CTIF: variants seen among roughly 807,000 people sequenced by gnomAD.
CTIF encodes CBP80/20-dependent translation initiation factor.
In CTIF, 21 loss-of-function variants were observed where a neutral mutation model predicts 66.0. That is an observed-to-expected ratio of 0.32 (90% CI 0.23 to 0.46). CTIF has a LOEUF of 0.46. CTIF is among the 20% of genes least tolerant of loss of function. The pLI is 1.00. For missense variants in CTIF, 739 were observed against 812.7 expected (o/e 0.91, Z 1.10); for synonymous variants, 345 against 326.4 (o/e 1.06, Z -0.62).
intron 7 of CTIF, among the ~76,000 whole-genome samples, chr18:48,739,509 C>G (rs1179175959): frequency 1.3e-5 from 2 of 152,232 alleles, no homozygotes; most frequent in African/African-American, 4.8e-5. Flanking sequence ...TGCCCTTGCT[C>G]ACTCTCTGGC....
At chr18:48,746,175 A>C (rs1405266213) in intron 7 of CTIF, among the ~76,000 whole-genome samples, 4 of 152,152 alleles carry the variant, frequency 2.6e-5, no homozygotes, top group Non-Finnish European at 5.9e-5. Flanking sequence ...TGCTTCACGT[A>C]GGGGCCTTTC....
intron 1 of CTIF, among the ~76,000 whole-genome samples, chr18:48,613,821 G>A (rs577046823): frequency 5.9e-5 from 9 of 152,282 alleles, no homozygotes; most frequent in East Asian, 3.9e-4. Context: ...GCTGCAGCCC[G>A]GGCCCTCTGT....
At chr18:48,666,477 C>A (rs1367636618) in intron 5 of CTIF, among the ~76,000 whole-genome samples, 1 of 152,230 alleles carries the variant, frequency 6.6e-6, no homozygotes, top group Non-Finnish European at 1.5e-5. Flanking sequence ...CATCCAACCC[C>A]TAGTTCACCA....
intron 1 of CTIF, among the ~76,000 whole-genome samples, chr18:48,558,626 G>T (rs2089077353): frequency 1.3e-5 from 2 of 152,144 alleles, no homozygotes; most frequent in Admixed American, 1.3e-4. Context: ...AAATATTTTT[G>T]TAAAGAATCC....
chr18:48,761,540 G>A lies in CTIF; in HGVS notation c.1222G>A (p.Glu408Lys). Reference protein sequence around the residue: ...EEAQNSTNSEEMLGEIVRTIY... With the variant: ...EEAQNSTNSEKMLGEIVRTIY... Reference sequence around the variant, plus strand: ...GGCCCAGAACTCCACCAACTCCGAGGAGATGCTGGGCGAGATCGTGCGCAC... The same window carrying A: ...GGCCCAGAACTCCACCAACTCCGAGAAGATGCTGGGCGAGATCGTGCGCAC... The change falls in exon 9 of 12, where the codon GAG (glutamate) becomes AAG (lysine). Residue 408 changes from glutamate (E) to lysine (K), a missense_variant. Around this residue, in one of 2 missense-constraint regions of CTIF, gnomAD observed 210 missense variants for 292.3 expected, o/e 0.72. Coordinates refer to ENST00000256413, the MANE Select transcript of CTIF (RefSeq NM_014772.3). This position sits in a 1 kb window ranked among gnomAD's most constrained non-coding sequence, Gnocchi z 4.2. 6.2e-7 allele frequency: 1 copy of A among 1,614,202 alleles called. No homozygotes were observed. Among genetic ancestry groups the A allele is most frequent in the Non-Finnish European group, 8.5e-7 (1 of 1,180,052 alleles).
At chr18:48,602,854 GA>G (rs1568064656) in intron 1 of CTIF, among the ~76,000 whole-genome samples, 3 of 115,638 alleles carry the variant, frequency 2.6e-5, no homozygotes, top group Non-Finnish European at 5.3e-5. Context: ...TGGATGAATG[GA>G]TGGATGGATG....
chr18:48,603,394 GATAT>G (rs2090137399), intron 1 of CTIF, among the ~76,000 whole-genome samples: 1 of 147,130 alleles, frequency 6.8e-6, no homozygotes, highest in African/African-American at 2.5e-5. Context: ...TGGATGGATG[GATAT>G]GTGAATGAGT....
intron 1 of CTIF, among the ~76,000 whole-genome samples, chr18:48,542,301 T>A (rs1434625231): frequency 1.3e-5 from 2 of 152,056 alleles, no homozygotes; most frequent in East Asian, 1.9e-4. Flanking sequence ...ATGTAACACT[T>A]ACCTGTGTTT....
At position 48,711,602 on chromosome 18, in the gene CTIF, C is replaced by T. The variant is rs1235247766; in HGVS notation, c.508-17C>T. 1.9e-6 allele frequency: 3 copies of T among 1,610,016 alleles called. No individual in the cohort carries two copies. The highest frequency in any genetic ancestry group is 2.7e-5 in the African/African-American group (2 of 74,780). ...CAGGAGTTACTAATGATCCCCCTTC[C>T]TCCCCCCATGACACAGGGCTACCAC... On this transcript the variant is annotated splice_polypyrimidine_tract_variant and intron_variant, in intron 6 of 11. Transcript: ENST00000256413.
chr18:48,654,119 G>C (rs1051612764), intron 3 of CTIF, among the ~76,000 whole-genome samples: 5 of 152,164 alleles, frequency 3.3e-5, no homozygotes, highest in Non-Finnish European at 7.3e-5. Flanking sequence ...AGCTAAAATA[G>C]ACAAATGGGA....
chr18:48,685,818 A>C (rs911062036), intron 6 of CTIF, among the ~76,000 whole-genome samples: 5 of 152,026 alleles, frequency 3.3e-5, no homozygotes, highest in African/African-American at 4.8e-5. Context: ...CTGGGATTAC[A>C]GGTGCCTGCC....
chr18:48,765,005 G>T (rs1190223621), intron 9 of CTIF, among the ~76,000 whole-genome samples: 1 of 152,232 alleles, frequency 6.6e-6, no homozygotes, highest in African/African-American at 2.4e-5. Context: ...CAGGCCCTGT[G>T]CCTTCTCTCT....
intron 7 of CTIF, among the ~76,000 whole-genome samples, chr18:48,712,565 TGCCTCAGGAATTAAAATGA>T (rs1172651211): frequency 6.6e-6 from 1 of 152,254 alleles, no homozygotes; most frequent in Non-Finnish European, 1.5e-5. Context: ...AAAAGGCTTA[TGCCTCAGGAATTAAAATGA>T]GGTGTTCCTC....
rs759965898 is a variant in CTIF at position 48,761,474 on chromosome 18, A to G, written c.1156A>G (p.Ser386Gly). The G allele has an allele frequency of 3.7e-6, 6 of 1,614,220 alleles. No homozygotes were observed. In the South Asian group the frequency reaches 4.4e-5, roughly 12 times the overall value. The change falls in exon 9 of 12, where the codon AGC becomes GGC. Residue 386 changes from serine (S) to glycine (G), a missense_variant. This residue lies in a region of CTIF where 529 missense variants were observed against 520.3 expected (regional missense o/e 1.02). Transcript: ENST00000256413. The surrounding 1 kb of genome is among the most constrained non-coding windows in gnomAD (Gnocchi z 4.2). ...IEILNSMRNN[S>G]SDVDTKLTTF... Reference sequence around the variant, plus strand: ...GATCCTGAACAGCATGCGGAACAACAGCAGCGACGTGGACACCAAGCTCAC... The same window carrying G: ...GATCCTGAACAGCATGCGGAACAACGGCAGCGACGTGGACACCAAGCTCAC...
intron 7 of CTIF, among the ~76,000 whole-genome samples, chr18:48,744,949 A>G (rs1005329378): frequency 1.3e-5 from 2 of 151,472 alleles, no homozygotes; most frequent in African/African-American, 4.9e-5. Context: ...CAGCCTTCCC[A>G]GCAGCTGGGA....
intron 1 of CTIF, among the ~76,000 whole-genome samples, chr18:48,614,738 A>G (rs1254958756): frequency 6.6e-6 from 1 of 152,212 alleles, no homozygotes; most frequent in Non-Finnish European, 1.5e-5. Context: ...TGGGTTGATA[A>G]AAAAGTTCTG....
At chr18:48,601,565 C>A (rs945312897) in intron 1 of CTIF, among the ~76,000 whole-genome samples, 2 of 152,138 alleles carry the variant, frequency 1.3e-5, no homozygotes, top group African/African-American at 4.8e-5. Flanking sequence ...AGCCTGGGGA[C>A]CAGCCTGTGG....
At chr18:48,760,705 G>A (rs1050109147) in intron 8 of CTIF, 5 of 152,180 alleles carry the variant, frequency 3.3e-5, no homozygotes, top group South Asian at 2.1e-4. Context: ...GGTCCTAGTT[G>A]CAGTGAAATC....
chr18:48,693,268 A>T (rs1304592479), intron 6 of CTIF, among the ~76,000 whole-genome samples: 1 of 152,162 alleles, frequency 6.6e-6, no homozygotes, highest in Non-Finnish European at 1.5e-5. Context: ...TTTCCCACCC[A>T]CAAGAGGAAA....
Sources: gnomAD v4.1 joint callset for allele counts (sites outside exome capture counted in the v4.1 genomes callset) on GRCh38, gnomAD v4.1.1 for gene constraint, gnomAD v4.1.1 regional missense constraint, Gnocchi (gnomAD v3.1) non-coding constraint, MANE v1.5 for transcripts, NCBI Gene and HGNC (gene_info 2026-07-23, HGNC 2026-07-21) for gene names.